The following PLCE1 variants were observed in gnomAD, a reference collection of about 807,000 sequenced individuals.
PLCE1 encodes the protein phospholipase C epsilon 1, also known as 1-phosphatidylinositol 4,5-bisphosphate phosphodiesterase epsilon-1.
In PLCE1, 119 loss-of-function variants were observed where a neutral mutation model predicts 242.8. The observed-to-expected ratio is 0.49, with a 90% CI of 0.42 to 0.57. The LOEUF (loss-of-function observed/expected upper bound fraction) is 0.57. Ranked by LOEUF, PLCE1 falls within the 20% of genes least tolerant of loss-of-function variation. PLCE1 has a pLI of 0.00. For missense variants in PLCE1, 2,441 were observed against 2,788.8 expected (o/e 0.88, Z 2.81); for synonymous variants, 945 against 1,017.4 (o/e 0.93, Z 1.35).
At chr10:94,025,235 C>T (rs139983983) in intron 1 of PLCE1, among the ~76,000 whole-genome samples, 87 of 152,164 alleles carry the variant, frequency 5.7e-4, no homozygotes, top group African/African-American at 1.9e-3. Flanking sequence ...AACCACTTTG[C>T]TTATATCTCT....
intron 2 of PLCE1, among the ~76,000 whole-genome samples, chr10:94,038,614 A>G (rs1032641045): frequency 4.6e-5 from 7 of 152,130 alleles, no homozygotes; most frequent in Non-Finnish European, 1.0e-4. Context: ...TCATGCTATC[A>G]TTGTTCAAGG....
intron 1 of PLCE1, among the ~76,000 whole-genome samples, chr10:93,999,303 T>C (rs917221547): frequency 6.6e-5 from 10 of 152,210 alleles, no homozygotes; most frequent in African/African-American, 2.4e-4. Flanking sequence ...GGTACTTTTA[T>C]TATCTGCATA....
At chr10:93,994,582 G>A (rs1264566491) in intron 1 of PLCE1, among the ~76,000 whole-genome samples, 1 of 152,168 alleles carries the variant, frequency 6.6e-6, no homozygotes, top group Non-Finnish European at 1.5e-5. Flanking sequence ...ACTTAGCAGC[G>A]GTATTTCAAG....
chr10:94,329,398 A>G lies in PLCE1; in HGVS notation c.*1455A>G, dbSNP rs2054129336. On this transcript the variant is annotated 3_prime_UTR_variant, in exon 33 of 33. Coordinates refer to ENST00000371380, the MANE Select transcript of PLCE1 (RefSeq NM_016341.4). ...TTACAAAACACTAAAACTCACTCCT[A>G]AACTTCACTTTGAGAAACTTTTTTA... The G allele has an allele frequency of 1.3e-5, 2 of 152,300 alleles. No individual in the cohort carries two copies. The highest frequency in any genetic ancestry group is 4.1e-4 in the South Asian group (2 of 4,824). The allele number at this position is 152,300 out of a possible 1,614,324, so 9.4% of individuals were successfully genotyped here.
chr10:94,004,203 C>G (rs2060992068), intron 1 of PLCE1, among the ~76,000 whole-genome samples: 1 of 151,934 alleles, frequency 6.6e-6, no homozygotes, highest in African/African-American at 2.4e-5. Flanking sequence ...CCTCCCAAGA[C>G]AGGCAGAATT....
At chr10:94,273,539 A>T (rs1215420270) in intron 18 of PLCE1, 23 bp from the exon 19 acceptor site, 1 of 1,603,546 alleles carries the variant, frequency 6.2e-7, no homozygotes, top group South Asian at 1.1e-5. Context: ...CATTGATTGT[A>T]TGTTTTCCTT....
chr10:94,280,493 G>T (rs1348023426), intron 20 of PLCE1: 1 of 154,620 alleles, frequency 6.5e-6, no homozygotes, highest in Non-Finnish European at 1.4e-5. Context: ...GTTAACTACA[G>T]ATTACTAGCG....
chr10:94,226,324 A>G (rs1204889462), intron 4 of PLCE1, among the ~76,000 whole-genome samples: 2 of 152,232 alleles, frequency 1.3e-5, no homozygotes, highest in African/African-American at 4.8e-5. Flanking sequence ...GTGGTTGATA[A>G]TGCAACCTCT....
intron 1 of PLCE1, among the ~76,000 whole-genome samples, chr10:94,027,081 A>G (rs1482585356): frequency 6.6e-6 from 1 of 152,060 alleles, no homozygotes; most frequent in Non-Finnish European, 1.5e-5. Context: ...TCTTTTTATG[A>G]CTGCCCATAT....
rs2054098985 is a variant in PLCE1, at chr10:94,328,063, C to T, written c.*120C>T. 5 of 487,542 alleles carry T rather than the reference C, an allele frequency of 1.0e-5. No individual in the cohort carries two copies. Among genetic ancestry groups the T allele is most frequent in the South Asian group, 7.7e-5 (5 of 64,730 alleles). The allele number at this position is 487,542 out of a possible 1,614,324, so 30.2% of individuals were successfully genotyped here. ...AAACTGGAAATTGATGATTTCTGAA[C>T]TGAAGCCTTCACACATGTGAGATCC... On this transcript the variant is annotated 3_prime_UTR_variant, in exon 33 of 33. Transcript: ENST00000371380.
Position 94,078,469 on chromosome 10 carries a change from G to T in PLCE1, c.1206+46217G>T, listed in dbSNP as rs569538887. On this transcript the variant is annotated intron_variant, in intron 2 of 32. Coordinates refer to ENST00000371380, the MANE Select transcript of PLCE1 (RefSeq NM_016341.4). Reference sequence around the variant, plus strand: ...TAGCCCCTCAGAAAACATGAAGCATGGTCTTGAAAATCACTTTTTGCTCAT... The same window carrying T: ...TAGCCCCTCAGAAAACATGAAGCATTGTCTTGAAAATCACTTTTTGCTCAT... Among the ~76,000 whole-genome samples the T allele has an allele frequency of 7.2e-5, 11 of 151,934 alleles. No individual in the cohort carries two copies. In the South Asian group the frequency reaches 2.3e-3, roughly 32 times the overall value.
At chr10:94,105,179 A>G (rs1319273134) in intron 2 of PLCE1, 1 of 152,256 alleles carries the variant, frequency 6.6e-6, no homozygotes, top group Non-Finnish European at 1.5e-5. Context: ...TGAGGCCCAG[A>G]GAAGTGCAGT....
intron 2 of PLCE1, among the ~76,000 whole-genome samples, chr10:94,055,446 G>C (rs1274010381): frequency 6.6e-6 from 1 of 151,834 alleles, no homozygotes; most frequent in Non-Finnish European, 1.5e-5. Flanking sequence ...CTCCCAAGTA[G>C]CTGGGATTAC....
chr10:94,003,579 G>A (rs2060974026), intron 1 of PLCE1, among the ~76,000 whole-genome samples: 1 of 118,852 alleles, frequency 8.4e-6, no homozygotes, highest in African/African-American at 3.3e-5. Context: ...CTTTAGCCAT[G>A]GTCATCAAAT....
At chr10:94,138,223 A>G (rs2046845545) in intron 3 of PLCE1, 1 of 333,910 alleles carries the variant, frequency 3.0e-6, no homozygotes, top group Non-Finnish European at 5.8e-6. Flanking sequence ...CTGCTAGAGA[A>G]TCACCAGGGG....
At chr10:94,253,232 G>A (rs1302912886) in intron 9 of PLCE1, among the ~76,000 whole-genome samples, 1 of 152,192 alleles carries the variant, frequency 6.6e-6, no homozygotes, top group Non-Finnish European at 1.5e-5. Context: ...CAGGAAGCAT[G>A]GTGCCAGCAT....
chr10:94,190,435 C>T (rs2048623712), intron 4 of PLCE1, among the ~76,000 whole-genome samples: 1 of 152,116 alleles, frequency 6.6e-6, no homozygotes, highest in Admixed American at 6.5e-5. Context: ...ACAGCAAGAC[C>T]TTGTCTCTAC....
chr10:94,069,641 TAAAC>T (rs1414688624), intron 2 of PLCE1, among the ~76,000 whole-genome samples: 1 of 148,960 alleles, frequency 6.7e-6, no homozygotes, highest in Non-Finnish European at 1.5e-5. Flanking sequence ...AACAAACAAA[TAAAC>T]AGACTAGAGA....
rs2050684856 is a variant in PLCE1 at position 94,246,467 on chromosome 10, C to T, written c.2942C>T (p.Thr981Ile). 6.2e-7 allele frequency: 1 copy of T among 1,614,070 alleles called. No homozygotes were observed. The highest frequency in any genetic ancestry group is 1.3e-5 in the African/African-American group (1 of 74,946). Residue 981 changes from threonine to isoleucine, a missense_variant, in exon 8 of 33, where the codon ACA (threonine) becomes ATA (isoleucine). Thr to Ile is a moderately conservative substitution (Grantham distance 89). Transcript: ENST00000371380. ...GVTLLYGLQT[T>I]DNRLLHFVAP... is the part of the protein sequence containing the mutation. ...ACATTGCTCTATGGGCTTCAGACCA[C>T]AGACAACAGATTATTGCACTTCGTG...
Sources: gnomAD v4.1 joint callset for allele counts (sites outside exome capture counted in the v4.1 genomes callset) on GRCh38, gnomAD v4.1.1 for gene constraint, MANE v1.5 for transcripts, NCBI Gene and HGNC (gene_info 2026-07-23, HGNC 2026-07-21) for gene names.